Variants in SZT2 observed in about 807,000 individuals in gnomAD.
SZT2 encodes the protein KICSTOR complex protein SZT2.
A neutral mutation model predicts 404.2 loss-of-function variants in SZT2; 216 were observed. That is an observed-to-expected ratio of 0.53 (90% CI 0.48 to 0.60). The LOEUF is 0.60. SZT2 is among the 20% of genes least tolerant of loss of function. The pLI, the probability that SZT2 is intolerant of heterozygous loss-of-function variation, is 0.00. For missense variants in SZT2, 3,857 were observed against 4,459.2 expected (o/e 0.86, Z 3.85); for synonymous variants, 1,693 against 1,749.9 (o/e 0.97, Z 0.81).
Position 43,431,815 on chromosome 1 carries a change from T to C in SZT2, c.5188T>C (p.Ser1730Pro). 1.2e-6 allele frequency: 2 copies of C among 1,614,180 alleles called. No homozygotes were observed. Among genetic ancestry groups the C allele is most frequent in the Non-Finnish European group, 1.7e-6 (2 of 1,180,026 alleles). Reference protein sequence around the residue: ...LHRAAAHIHSSPGRSTCLRQT... With the variant: ...LHRAAAHIHSPPGRSTCLRQT... ...CCGCGCAGCTGCCCATATCCATAGT[T>C]CTCCTGGACGCTCCACCTGCCTTCG... is the stretch of plus-strand genomic sequence containing the variant. Residue 1730 changes from serine (S) to proline (P), a missense_variant, in exon 36 of 72, where the codon TCT becomes CCT. Around this residue, in one of 7 missense-constraint regions of SZT2, gnomAD observed 1,725 missense variants for 1,881.0 expected, o/e 0.92. Transcript: ENST00000634258.
chr1:43,431,107 G>C lies in SZT2; in HGVS notation c.4916+17G>C, dbSNP rs1422891037. Reference sequence around the variant, plus strand: ...GCACCACCGGTGTGGCAGCAAGTTTGGTGGGGGGTTTGGGACCTTTTTAGG... The same window carrying C: ...GCACCACCGGTGTGGCAGCAAGTTTCGTGGGGGGTTTGGGACCTTTTTAGG... On this transcript the variant is annotated intron_variant, in intron 33 of 71. Coordinates refer to ENST00000634258, the MANE Select transcript of SZT2 (RefSeq NM_001365999.1). 1 of 1,610,946 alleles carries C rather than the reference G, an allele frequency of 6.2e-7. No homozygotes were observed. The highest frequency in any genetic ancestry group is 1.1e-5 in the South Asian group (1 of 90,506).
chr1:43,403,137 G>C (rs1343332978), intron 1 of SZT2, 40 bp from the exon 2 acceptor site: 2 of 1,608,276 alleles, frequency 1.2e-6, no homozygotes, highest in Non-Finnish European at 1.7e-6. Flanking sequence ...GGTACTCGGT[G>C]CCATTTTTTA....
chr1:43,428,106 T>G lies in SZT2; in HGVS notation c.3907T>G (p.Cys1303Gly), dbSNP rs766734490. 1 of 1,613,638 alleles carries G rather than the reference T, an allele frequency of 6.2e-7. No homozygotes were observed. Among genetic ancestry groups the G allele is most frequent in the East Asian group, 2.2e-5 (1 of 44,862 alleles). ...CCTGCTGCAGGAGCATGCACAGCGG[T>G]GCTATGTCCGTGGTGAGCAGGAGGG... ...CALLQEHAQR[C>G]YVRGLFRSLQ... The change falls in exon 27 of 72, where the codon TGC becomes GGC. Residue 1303 changes from cysteine to glycine, a missense_variant. Transcript: ENST00000634258.
At position 43,430,655 on chromosome 1, in the gene SZT2, T is replaced by TG. The variant is rs749448637; in HGVS notation, c.4646dup (p.Asp1550ArgfsTer7). 4 of 1,613,968 alleles carry TG rather than the reference T, an allele frequency of 2.5e-6. No individual in the cohort carries two copies. The highest frequency in any genetic ancestry group is 2.2e-5 in the South Asian group (2 of 91,078). On this transcript the variant is annotated frameshift_variant, in exon 32 of 72. Transcript: ENST00000634258. LOFTEE classifies it high-confidence loss of function. Reference sequence around the variant, plus strand: ...CCTGATGAAGACTCCTTCAGTATCTTGGGGGGCGACTCACCCACTGGGCCT... The same window carrying TG: ...CCTGATGAAGACTCCTTCAGTATCTTGGGGGGGCGACTCACCCACTGGGCCT...
At chr1:43,443,845 G>A in intron 62 of SZT2, 49 bp downstream of exon 62, 2 of 1,607,110 alleles carry the variant, frequency 1.2e-6, no homozygotes, top group Non-Finnish European at 1.7e-6. Flanking sequence ...TGCACTGCAA[G>A]TGAGGCCCCA....
At position 43,452,312 on chromosome 1, in the gene SZT2, G is replaced by A. The variant is rs984008662; in HGVS notation, c.*1832G>A. The stretch of plus-strand genomic sequence containing the variant: ...CCCTGGGGTACTCGGCCAGCCATCA[G>A]GTGGATCCTGTGGGGAAGATGGACT... On this transcript the variant is annotated 3_prime_UTR_variant, in exon 72 of 72. Transcript: ENST00000634258. The A allele has an allele frequency of 3.0e-5, 49 of 1,613,400 alleles. No individual in the cohort carries two copies. The highest frequency in any genetic ancestry group is 4.0e-5 in the Non-Finnish European group (47 of 1,179,676).
chr1:43,436,349 C>G (rs143393904), intron 42 of SZT2: 1 of 152,304 alleles, frequency 6.6e-6, no homozygotes, highest in African/African-American at 2.4e-5. Flanking sequence ...GTTTCAAAGG[C>G]ATCTTCTGCA....
intron 1 of SZT2, among the ~76,000 whole-genome samples, chr1:43,393,665 A>T (rs974827706): frequency 1.3e-5 from 2 of 152,222 alleles, no homozygotes; most frequent in Non-Finnish European, 2.9e-5. Flanking sequence ...AAGGGTTAGA[A>T]AAGGCTGAAC....
Position 43,441,285 on chromosome 1 carries a change from C to T in SZT2, c.7416C>T (p.Asp2472=). The T allele has an allele frequency of 1.2e-6, 2 of 1,614,252 alleles. No individual in the cohort carries two copies. Among genetic ancestry groups the T allele is most frequent in the African/African-American group, 2.7e-5 (2 of 75,074 alleles). Residue 2472 remains aspartate, a synonymous_variant, in exon 53 of 72, where the codon GAC becomes GAT. Transcript: ENST00000634258. This position sits in a 1 kb window ranked among gnomAD's most constrained non-coding sequence, Gnocchi z 4.8. ...TDDIVLDRPE[D]TRGRRRHKTE... ...ACATTGTCCTGGATCGGCCAGAAGA[C>T]ACTCGGGGCCGGAGGCGTCACAAAA...
Position 43,419,360 on chromosome 1 carries a change from C to T in SZT2, c.880-374C>T, listed in dbSNP as rs189534182. Among the ~76,000 whole-genome samples the T allele has an allele frequency of 2.6e-5, 4 of 152,356 alleles. No individual in the cohort carries two copies. The East Asian group carries it at 5.8e-4, about 22-fold the overall frequency. On this transcript the variant is annotated intron_variant, in intron 7 of 71. Transcript: ENST00000634258. ...CTCAGGCCCCACCCCAGACCTACTG[C>T]ATTTTAACAAAATCCCCAGGTGTTT... is the stretch of plus-strand genomic sequence containing the variant.
Position 43,446,393 on chromosome 1 carries a change from A to G in SZT2, c.9049A>G (p.Met3017Val), listed in dbSNP as rs143624137. The change falls in exon 65 of 72, where the codon ATG (methionine) becomes GTG (valine). Residue 3017 changes from methionine (M) to valine (V), a missense_variant. Physicochemically the swap from Met to Val is conservative, Grantham distance 21 (BLOSUM62 1). Around this residue, in one of 7 missense-constraint regions of SZT2, gnomAD observed 717 missense variants for 868.2 expected, o/e 0.83. Transcript: ENST00000634258. Reference protein sequence around the residue: ...QFALECSRIPMGQAVNSQLSM... With the variant: ...QFALECSRIPVGQAVNSQLSM... ...TGCCCTGGAATGTTCCCGAATCCCA[A>G]TGGGGCAGGCTGTCAACTCACAGGT... 8.9e-5 allele frequency: 144 copies of G among 1,614,248 alleles called. No individual in the cohort carries two copies. Among genetic ancestry groups the G allele is most frequent in the Middle Eastern group, 4.9e-4 (3 of 6,062 alleles).
intron 4 of SZT2, chr1:43,412,581 T>C (rs1651199242): frequency 1.3e-5 from 2 of 152,226 alleles, no homozygotes; most frequent in Admixed American, 1.3e-4. Context: ...CCACTATGCT[T>C]GGCTCAAAGA....
Position 43,437,686 on chromosome 1 carries a change from T to G in SZT2, c.6382T>G (p.Ser2128Ala), listed in dbSNP as rs751570637. The G allele has an allele frequency of 6.2e-7, 1 of 1,614,068 alleles. No individual in the cohort carries two copies. The highest frequency in any genetic ancestry group is 8.5e-7 in the Non-Finnish European group (1 of 1,180,002). ...GTCCCGAAGCCAAGAGCCCATCTAC[T>G]CTGAGGAAGCCTCGGCATGTATCAC... is the stretch of plus-strand genomic sequence containing the variant. ...ALSRSQEPIY[S>A]EEASGPRSPL... The change falls in exon 45 of 72, where the codon TCT becomes GCT. Residue 2128 changes from serine (S) to alanine (A), a missense_variant. Coordinates refer to ENST00000634258, the MANE Select transcript of SZT2 (RefSeq NM_001365999.1). This position sits in a 1 kb window ranked among gnomAD's most constrained non-coding sequence, Gnocchi z 5.3.
Position 43,433,038 on chromosome 1 carries a change from C to A in SZT2, c.5652C>A (p.Thr1884=). Residue 1884 remains threonine, a synonymous_variant, in exon 40 of 72, where the codon ACC becomes ACA. Transcript: ENST00000634258. ...SGSDSEGPND[T]LGEKAPFTLR... ...CAGACAGTGAGGGTCCCAATGACAC[C>A]CTTGGTGAGAAGGCCCCCTTCACAT... 6.2e-7 allele frequency: 1 copy of A among 1,614,082 alleles called. No homozygotes were observed.
At position 43,430,438 on chromosome 1, in the gene SZT2, G is replaced by A. The variant is rs774812186; in HGVS notation, c.4480+49G>A. On this transcript the variant is annotated intron_variant, in intron 31 of 71. Transcript: ENST00000634258. ...TGGGGAAGGCTGGCTGCTTCACGCC[G>A]AGATTCAAGGGTTCCACTGCCAGCC... The A allele has an allele frequency of 2.4e-5, 38 of 1,603,172 alleles. No individual in the cohort carries two copies. In the Admixed American group the frequency reaches 2.7e-4, roughly 11 times the overall value.
intron 62 of SZT2, 70 bp from the exon 63 acceptor site, chr1:43,445,824 C>A: frequency 6.9e-7 from 1 of 1,439,580 alleles, no homozygotes; most frequent in Non-Finnish European, 9.8e-7. Flanking sequence ...AAAACAGATT[C>A]TGGGTCTGAT....
Position 43,415,185 on chromosome 1 carries a change from TGCA to T in SZT2, c.610_612del (p.Gln204del). The T allele has an allele frequency of 6.3e-7, 1 of 1,598,022 alleles. No homozygotes were observed. The highest frequency in any genetic ancestry group is 8.5e-7 in the Non-Finnish European group (1 of 1,179,594). On this transcript the variant is annotated inframe_deletion, in exon 5 of 72. Coordinates refer to ENST00000634258, the MANE Select transcript of SZT2 (RefSeq NM_001365999.1). ...TTTGAGGATAAGGTGGCCACCATGC[TGCA>T]GCAGCAGTACGATCCCCAGAGCCAG...
intron 4 of SZT2, among the ~76,000 whole-genome samples, chr1:43,414,587 A>G (rs935170767): frequency 2.0e-5 from 3 of 152,090 alleles, no homozygotes; most frequent in African/African-American, 7.2e-5. Flanking sequence ...TGCACAGCTA[A>G]TTTTTGTAAA....
chr1:43,434,418 C>T lies in SZT2; in HGVS notation c.5837C>T (p.Thr1946Ile). 1 of 1,598,462 alleles carries T rather than the reference C, an allele frequency of 6.3e-7. No homozygotes were observed. The highest frequency in any genetic ancestry group is 8.5e-7 in the Non-Finnish European group (1 of 1,174,226). ...ATTCGGGAGGATGGGGGGCCGGGCA[C>T]TGAGTGTCGCCACCTGCAGCAGCTC... ...SLIREDGGPG[T>I]ECRHLQQLLV... Residue 1946 changes from threonine to isoleucine, a missense_variant, in exon 41 of 72, where the codon ACT becomes ATT. Physicochemically the swap from Thr to Ile is moderately conservative, Grantham distance 89. This residue lies in a region of SZT2 where 1,725 missense variants were observed against 1,881.0 expected (regional missense o/e 0.92). Coordinates refer to ENST00000634258, the MANE Select transcript of SZT2 (RefSeq NM_001365999.1).
Sources: allele counts gnomAD v4.1 joint callset (sites outside exome capture counted in the v4.1 genomes callset), GRCh38; gene constraint gnomAD v4.1.1; regional missense constraint gnomAD v4.1.1; non-coding constraint Gnocchi (gnomAD v3.1); transcripts MANE v1.5; gene names NCBI Gene and HGNC (gene_info 2026-07-23, HGNC 2026-07-21).